The following CFAP61 variants were observed in gnomAD, a reference collection of about 807,000 sequenced individuals.
CFAP61 encodes the protein cilia and flagella associated protein 61.
Under a neutral mutation model 135.6 loss-of-function variants are expected in CFAP61, and 107 were observed. The observed-to-expected ratio is 0.79, with a 90% confidence interval of 0.67 to 0.93. The LOEUF (loss-of-function observed/expected upper bound fraction) is 0.93, where lower values mean the gene tolerates loss of function less well. Ranked by LOEUF, CFAP61 falls within the 40% of genes least tolerant of loss-of-function variation. The pLI, the probability that CFAP61 is intolerant of heterozygous loss-of-function variation, is 0.00. For missense variants in CFAP61, 1,507 were observed against 1,556.2 expected (o/e 0.97, Z 0.53); for synonymous variants, 575 against 578.5 (o/e 0.99, Z 0.09).
At chr20:20,090,176 A>G (rs999867877) in intron 6 of CFAP61, among the ~76,000 whole-genome samples, 2 of 152,092 alleles carry the variant, frequency 1.3e-5, no homozygotes, top group Non-Finnish European at 2.9e-5. Context: ...ACACCCACAC[A>G]TGCCAACTGT....
chr20:20,055,684 G>T (rs774561032), intron 1 of CFAP61, among the ~76,000 whole-genome samples: 3 of 152,020 alleles, frequency 2.0e-5, no homozygotes, highest in Non-Finnish European at 4.4e-5. Context: ...ATTAGTTTAT[G>T]ATATGTTTCA....
chr20:20,209,792 T>A (rs1162393962), intron 17 of CFAP61, among the ~76,000 whole-genome samples: 1 of 152,182 alleles, frequency 6.6e-6, no homozygotes, highest in East Asian at 1.9e-4. Flanking sequence ...TGGAATGTCA[T>A]GGCATCGTGG....
In CFAP61 at chr20:20,224,359, G is replaced by A. The variant is rs945230530; in HGVS notation, c.1933-3890G>A. Among the ~76,000 whole-genome samples the A allele has an allele frequency of 5.9e-5, 9 of 151,640 alleles. No individual in the cohort carries two copies. The East Asian group carries it at 7.7e-4, about 13-fold the overall frequency. ...AATCTTCCACATTCCTCCCCGCCCC[G>A]CAACCCCCAAGCTCAACTCTAGAAT... On this transcript the variant is annotated intron_variant, in intron 17 of 26. Transcript: ENST00000245957.
At chr20:20,117,183 A>G (rs996954963) in intron 8 of CFAP61, among the ~76,000 whole-genome samples, 1 of 151,992 alleles carries the variant, frequency 6.6e-6, no homozygotes, top group Non-Finnish European at 1.5e-5. Flanking sequence ...TGGTTCTACT[A>G]AAAATACAAA....
At chr20:20,334,145 G>C (rs2058093354) in intron 25 of CFAP61, among the ~76,000 whole-genome samples, 1 of 150,472 alleles carries the variant, frequency 6.6e-6, no homozygotes, top group Non-Finnish European at 1.5e-5. Flanking sequence ...TTTTTTTTTT[G>C]AGACAAAGTC....
intron 17 of CFAP61, among the ~76,000 whole-genome samples, chr20:20,214,875 C>T (rs924651951): frequency 2.6e-5 from 4 of 152,176 alleles, no homozygotes; most frequent in African/African-American, 7.2e-5. Context: ...CTGTTTAGGG[C>T]GCAGGGCAGG....
intron 9 of CFAP61, among the ~76,000 whole-genome samples, chr20:20,155,994 C>T (rs1488784790): frequency 6.6e-6 from 1 of 152,122 alleles, no homozygotes; most frequent in Non-Finnish European, 1.5e-5. Flanking sequence ...GCACAATTTG[C>T]AATTGCAAAA....
At chr20:20,283,847 C>G (rs150219097) in intron 22 of CFAP61, among the ~76,000 whole-genome samples, 1 of 152,214 alleles carries the variant, frequency 6.6e-6, no homozygotes, top group East Asian at 1.9e-4. Context: ...TGTCAAATTC[C>G]CTTCATATTT....
chr20:20,251,165 C>T (rs1231386374), intron 19 of CFAP61, among the ~76,000 whole-genome samples: 2 of 152,076 alleles, frequency 1.3e-5, no homozygotes, highest in African/African-American at 4.8e-5. Flanking sequence ...AGATTCTGAC[C>T]CCTGGCTTTG....
intron 8 of CFAP61, among the ~76,000 whole-genome samples, chr20:20,120,049 T>C (rs2049488938): frequency 6.6e-6 from 1 of 152,216 alleles, no homozygotes; most frequent in Non-Finnish European, 1.5e-5. Flanking sequence ...TGTCTTTGCT[T>C]TTATGAATAG....
At chr20:20,172,403 A>G (rs1042508959) in intron 13 of CFAP61, 35 of 446,798 alleles carry the variant, frequency 7.8e-5, no homozygotes, top group Admixed American at 1.3e-4. Context: ...TGGAGCCTCA[A>G]CCTCCCAAGC....
intron 25 of CFAP61, among the ~76,000 whole-genome samples, chr20:20,334,301 AT>A (rs1342335141): frequency 3.9e-5 from 6 of 151,986 alleles, no homozygotes; most frequent in Admixed American, 6.6e-5. Context: ...TAATTTTTGT[AT>A]TTTTTGTAGA....
intron 9 of CFAP61, 142 bp downstream of exon 9, chr20:20,143,090 A>G: frequency 1.7e-6 from 1 of 594,310 alleles, no homozygotes; most frequent in East Asian, 2.9e-5. Context: ...AGCAGTAAGC[A>G]CACCGCGAGC....
chr20:20,172,846 A>G (rs1489222378), intron 13 of CFAP61, among the ~76,000 whole-genome samples: 5 of 152,164 alleles, frequency 3.3e-5, no homozygotes, highest in African/African-American at 1.2e-4. Flanking sequence ...TGTACATCCT[A>G]TGGCTTTGGA....
intron 24 of CFAP61, among the ~76,000 whole-genome samples, chr20:20,295,456 G>GT (rs2055350454): frequency 6.6e-6 from 1 of 152,086 alleles, no homozygotes; most frequent in Admixed American, 6.5e-5. Context: ...TACTGCCGTG[G>GT]TGCAGGAGCC....
intron 2 of CFAP61, among the ~76,000 whole-genome samples, chr20:20,067,780 A>C (rs1274689497): frequency 1.5e-5 from 2 of 130,734 alleles, no homozygotes; most frequent in African/African-American, 5.3e-5. Context: ...TATTTATTAT[A>C]TATATATATA....
intron 22 of CFAP61, among the ~76,000 whole-genome samples, chr20:20,288,117 A>G (rs1601826944): frequency 8.1e-6 from 1 of 122,980 alleles, no homozygotes; most frequent in Non-Finnish European, 1.9e-5. Flanking sequence ...CTGGAGCATC[A>G]TATAGGGACA....
chr20:20,266,110 A>C (rs1536618), intron 21 of CFAP61, among the ~76,000 whole-genome samples: 101,648 of 151,958 alleles, frequency 0.67, 34,822 homozygotes, highest in Middle Eastern at 0.82. Context: ...CTCCTAAATA[A>C]ACCATTGGCT....
chr20:20,352,174 C>T (rs2058859403), intron 26 of CFAP61, among the ~76,000 whole-genome samples: 1 of 152,172 alleles, frequency 6.6e-6, no homozygotes, highest in Non-Finnish European at 1.5e-5. Flanking sequence ...GCACCTTCTT[C>T]TCAAGGTGGC....
Sources: allele counts gnomAD v4.1 joint callset (sites outside exome capture counted in the v4.1 genomes callset), GRCh38; gene constraint gnomAD v4.1.1; transcripts MANE v1.5; gene names NCBI Gene and HGNC (gene_info 2026-07-23, HGNC 2026-07-21).